The following TMEM181 variants were observed in gnomAD, a reference collection of about 807,000 sequenced individuals.
The protein encoded by TMEM181 is transmembrane protein 181.
TMEM181 carries 39 observed loss-of-function variants against 71.9 expected under a neutral mutation model. The ratio of observed to expected loss-of-function variants is 0.54; its 90% CI spans 0.42 to 0.71. The LOEUF (loss-of-function observed/expected upper bound fraction) is 0.71. TMEM181 is among the 30% of genes least tolerant of loss of function. The pLI, the probability that TMEM181 is intolerant of heterozygous loss-of-function variation, is 0.00. For missense variants in TMEM181, 595 were observed against 583.0 expected (o/e 1.02, Z -0.21); for synonymous variants, 245 against 228.8 (o/e 1.07, Z -0.64).
intron 1 of TMEM181, among the ~76,000 whole-genome samples, chr6:158,548,293 T>C (rs113131480): frequency 1.3e-5 from 2 of 152,216 alleles, no homozygotes; most frequent in South Asian, 4.1e-4. Context: ...CCTGGGATTG[T>C]ACCACTCCCA....
chr6:158,624,929 G>A lies in TMEM181; in HGVS notation c.955-175G>A, dbSNP rs886521957. Among the ~76,000 whole-genome samples the A allele has an allele frequency of 3.3e-5, 5 of 152,214 alleles. No individual in the cohort carries two copies. In the South Asian group the frequency reaches 6.2e-4, roughly 19 times the overall value. Reference sequence around the variant, plus strand: ...CACCTCAGGGGAGCTGCCTGTGCTCGCAGCGGGACTGAGCAGATGGTCCCG... The same window carrying A: ...CACCTCAGGGGAGCTGCCTGTGCTCACAGCGGGACTGAGCAGATGGTCCCG... On this transcript the variant is annotated intron_variant, in intron 11 of 16. Transcript: ENST00000684151.
At chr6:158,559,485 T>G (rs938790211), upstream of TMEM181, among the ~76,000 whole-genome samples, 1 of 152,160 alleles carries the variant, frequency 6.6e-6, no homozygotes, top group Non-Finnish European at 1.5e-5. Context: ...ATCTCAGAAA[T>G]AGCCAAACCT....
chr6:158,593,498 C>T (rs747124506), intron 6 of TMEM181, among the ~76,000 whole-genome samples: 2 of 152,162 alleles, frequency 1.3e-5, no homozygotes, highest in Non-Finnish European at 2.9e-5. Context: ...GGGGGAAGTC[C>T]TGGGCATATG....
rs752714459 is a variant in TMEM181, at chr6:158,625,193, C to T, written c.1044C>T (p.His348=). The T allele has an allele frequency of 6.2e-7, 1 of 1,613,978 alleles. No homozygotes were observed. The highest frequency in any genetic ancestry group is 8.5e-7 in the Non-Finnish European group (1 of 1,179,954). The change falls in exon 12 of 17, where the codon CAC becomes CAT. Residue 348 remains histidine, a synonymous_variant. Transcript: ENST00000684151. ...LIVRACSELR[H]MPYVDLRLKF... ...TGCGGGCGTGTTCCGAGCTACGTCA[C>T]ATGCCTTATGTGGGTAAGTGCTCCT...
chr6:158,613,680 G>A lies in TMEM181; in HGVS notation c.896+4930G>A, dbSNP rs187184901. Among the ~76,000 whole-genome samples, 102 of 152,306 alleles carry A rather than the reference G, an allele frequency of 6.7e-4. 2 individuals carry two copies. The highest frequency in any genetic ancestry group is 2.1e-3 in the South Asian group (10 of 4,818). On this transcript the variant is annotated intron_variant, in intron 10 of 16. Transcript: ENST00000684151. Reference sequence around the variant, plus strand: ...AGGAGAGCACACCATTCCAGTGAAAGCCTTGGCAGAATAACCAGTTTCTCC... The same window carrying A: ...AGGAGAGCACACCATTCCAGTGAAAACCTTGGCAGAATAACCAGTTTCTCC...
At chr6:158,542,673 C>T (rs973160547) in intron 1 of TMEM181, among the ~76,000 whole-genome samples, 39 of 152,060 alleles carry the variant, frequency 2.6e-4, no homozygotes, top group Admixed American at 2.6e-4. Context: ...GACGTGACCT[C>T]GGCTCACTAC....
chr6:158,608,980 C>T (rs1182485158), intron 10 of TMEM181, among the ~76,000 whole-genome samples: 1 of 152,100 alleles, frequency 6.6e-6, no homozygotes, highest in Non-Finnish European at 1.5e-5. Flanking sequence ...TGCCTGTAGT[C>T]CCAGCTCCCT....
intron 4 of TMEM181, among the ~76,000 whole-genome samples, 176 bp from the exon 5 acceptor site, chr6:158,585,127 TG>T (rs1562636009): frequency 6.6e-6 from 1 of 152,228 alleles, no homozygotes; most frequent in Non-Finnish European, 1.5e-5. Flanking sequence ...TGGAATCTAA[TG>T]GAAAGGCTTT....
chr6:158,588,691 G>A (rs1041315922), intron 5 of TMEM181, among the ~76,000 whole-genome samples: 2 of 152,120 alleles, frequency 1.3e-5, no homozygotes, highest in Admixed American at 6.6e-5. Context: ...CAAGTGATCC[G>A]CCTGCCTTGG....
In TMEM181 at chr6:158,625,200, T is replaced by C. The variant is rs758436431; in HGVS notation, c.1051T>C (p.Tyr351His). The part of the protein sequence containing the change: ...RACSELRHMP[Y>H]VDLRLKFLTA... ...GTGTTCCGAGCTACGTCACATGCCT[T>C]ATGTGGGTAAGTGCTCCTTTCAGAA... is the stretch of plus-strand genomic sequence containing the variant. Residue 351 changes from tyrosine (Y) to histidine (H), a missense_variant, in exon 12 of 17, where the codon TAT becomes CAT. Transcript: ENST00000684151. 3.7e-6 allele frequency: 6 copies of C among 1,613,786 alleles called. No individual in the cohort carries two copies. In the South Asian group the frequency reaches 5.5e-5, roughly 15 times the overall value.
At chr6:158,611,980 C>CG (rs1562307835) in intron 10 of TMEM181, among the ~76,000 whole-genome samples, 1 of 141,444 alleles carries the variant, frequency 7.1e-6, no homozygotes, top group Non-Finnish European at 1.5e-5. Context: ...AGGGATACCC[C>CG]CCCCACCTCC....
chr6:158,605,143 T>A (rs1784880817), intron 6 of TMEM181, 124 bp from the exon 7 acceptor site: 5 of 537,122 alleles, frequency 9.3e-6, no homozygotes, highest in Admixed American at 2.8e-5. Context: ...TGTGTGTGTG[T>A]GTGTGTGTGT....
chr6:158,582,406 T>C (rs1002102355), intron 3 of TMEM181, among the ~76,000 whole-genome samples: 6 of 152,192 alleles, frequency 3.9e-5, no homozygotes, highest in Admixed American at 1.3e-4. Context: ...TCTTTAGTCC[T>C]AGGGAGTTTT....
At position 158,620,442 on chromosome 6, in the gene TMEM181, A is replaced by G. The variant is rs1032647690; in HGVS notation, c.897-3108A>G. ...CAGCTGAATTAGTGTCTGATGTTGG[A>G]TGTTCCAGTTGGAATCACCAAAGGG... On this transcript the variant is annotated intron_variant, in intron 10 of 16. Coordinates refer to ENST00000684151, the MANE Select transcript of TMEM181 (RefSeq NM_001376852.1). The surrounding 1 kb of genome is among the most constrained non-coding windows in gnomAD (Gnocchi z 4.5). Among the ~76,000 whole-genome samples, 4 of 152,142 alleles carry G rather than the reference A, an allele frequency of 2.6e-5. No homozygotes were observed. Among genetic ancestry groups the G allele is most frequent in the African/African-American group, 9.7e-5 (4 of 41,414 alleles).
At chr6:158,549,110 CTTTTTTTTTTTTTT>C (rs33969411) in intron 1 of TMEM181, among the ~76,000 whole-genome samples, 33 of 67,514 alleles carry the variant, frequency 4.9e-4, no homozygotes, top group Non-Finnish European at 8.3e-4. Context: ...GTGCACACTT[CTTTTTTTTTTTTTT>C]TTTTTTTTTT....
At chr6:158,569,520 G>T (rs1782688862) in intron 1 of TMEM181, among the ~76,000 whole-genome samples, 1 of 152,164 alleles carries the variant, frequency 6.6e-6, no homozygotes, top group Admixed American at 6.5e-5. Flanking sequence ...TCGGGAAGGG[G>T]AGACAATGGA....
rs1053342603 is a variant in TMEM181, at chr6:158,631,980, T to A, written c.*92T>A. On this transcript the variant is annotated 3_prime_UTR_variant, in exon 17 of 17. Coordinates refer to ENST00000684151, the MANE Select transcript of TMEM181 (RefSeq NM_001376852.1). ...TCCCCTGTTATATTCAGATTTTTCT[T>A]ACAAGCAGAGATTTCCTGTTCATTT... is the stretch of plus-strand genomic sequence containing the variant. The A allele has an allele frequency of 1.7e-6, 2 of 1,206,540 alleles. No individual in the cohort carries two copies. The highest frequency in any genetic ancestry group is 2.3e-5 in the Admixed American group (1 of 42,960). 74.7% of individuals were successfully genotyped at this position (1,206,540 alleles called of 1,614,324 possible).
At chr6:158,573,210 G>C (rs997263033) in intron 1 of TMEM181, among the ~76,000 whole-genome samples, 4 of 152,174 alleles carry the variant, frequency 2.6e-5, no homozygotes, top group Non-Finnish European at 5.9e-5. Flanking sequence ...CTCTAACCCG[G>C]AACGTGCAGG....
intron 1 of TMEM181, among the ~76,000 whole-genome samples, chr6:158,566,392 C>T (rs971012114): frequency 1.8e-4 from 27 of 151,646 alleles, no homozygotes; most frequent in African/African-American, 6.5e-4. Flanking sequence ...CAGTGTGTCC[C>T]AGGATGATGA....
Sources: allele counts gnomAD v4.1 joint callset (sites outside exome capture counted in the v4.1 genomes callset), GRCh38; gene constraint gnomAD v4.1.1; non-coding constraint Gnocchi (gnomAD v3.1); transcripts MANE v1.5; gene names NCBI Gene and HGNC (gene_info 2026-07-23, HGNC 2026-07-21).